The following PLGRKT variants were observed in gnomAD, a reference collection of about 807,000 sequenced individuals.
The protein encoded by PLGRKT is plasminogen receptor with a C-terminal lysine, also known as plasminogen receptor (KT).
A neutral mutation model predicts 18.5 loss-of-function variants in PLGRKT; 22 were observed. The observed-to-expected ratio is 1.19, with a 90% CI of 0.85 to 1.70. The LOEUF is 1.70. Among genes scored for constraint, PLGRKT ranks in the 40% most tolerant of loss-of-function variants. PLGRKT has a pLI of 0.00. For synonymous variants in PLGRKT, 72 were observed against 52.8 expected (o/e 1.36, Z -1.58); for missense variants, 235 against 174.4 (o/e 1.35, Z -1.96).
intron 3 of PLGRKT, among the ~76,000 whole-genome samples, chr9:5,369,331 AT>A (rs566059079): frequency 8.3e-4 from 127 of 152,348 alleles, no homozygotes; most frequent in Non-Finnish European, 1.4e-3. Context: ...CAACAAACAT[AT>A]GAAAAAATGC....
chr9:5,385,051 C>G (rs1817816210), intron 3 of PLGRKT, among the ~76,000 whole-genome samples: 1 of 151,880 alleles, frequency 6.6e-6, no homozygotes, highest in Admixed American at 6.6e-5. Context: ...TGGGTGGGGC[C>G]AGGGGAGGGC....
Position 5,419,050 on chromosome 9 carries a change from G to A in PLGRKT, c.81+12847C>T, listed in dbSNP as rs150161647. 3.0e-4 allele frequency: 121 copies of A among 396,910 alleles called. 1 individual carries two copies. In the East Asian group the frequency reaches 5.6e-3, roughly 18 times the overall value. 24.6% of individuals were successfully genotyped at this position (396,910 alleles called of 1,614,324 possible). A position where few individuals can be genotyped will look rare whatever the true frequency, so the allele number is the denominator to read the frequency against. ...TGGTCTTCAGAGGCCGCCGCTCTGC[G>A]TCTTTCCAGTGCAGGTCATGGGGAG... is the stretch of plus-strand genomic sequence containing the variant. On this transcript the variant is annotated intron_variant, in intron 3 of 5. Coordinates refer to ENST00000223864, the MANE Select transcript of PLGRKT (RefSeq NM_018465.4).
At chr9:5,397,161 C>G (rs970705820) in intron 3 of PLGRKT, among the ~76,000 whole-genome samples, 2 of 151,882 alleles carry the variant, frequency 1.3e-5, no homozygotes, top group Non-Finnish European at 2.9e-5. Context: ...CTACTAGTGG[C>G]AACAGATTGT....
In PLGRKT at chr9:5,361,185, G is replaced by A. The variant is rs201380094; in HGVS notation, c.215C>T (p.Ala72Val). 170 of 1,577,018 alleles carry A rather than the reference G, an allele frequency of 1.1e-4. No homozygotes were observed. Among genetic ancestry groups the A allele is most frequent in the Middle Eastern group, 1.7e-4 (1 of 5,970 alleles). ...GLAAISLTAGAIKKKKPAFLV... is the reference protein window; with the variant it reads ...GLAAISLTAGVIKKKKPAFLV... ...GAAGGCTGGCTTCTTTTTTTTAATC[G>A]CTCTGTTTCAAGAATTAAAAGAAGA... Residue 72 changes from alanine to valine, a missense_variant and splice_region_variant, in exon 5 of 6, where the codon GCG (alanine) becomes GTG (valine). Ala to Val is a moderately conservative substitution (Grantham distance 64). Coordinates refer to ENST00000223864, the MANE Select transcript of PLGRKT (RefSeq NM_018465.4).
In PLGRKT at chr9:5,361,052, G is replaced by C. The variant is rs2273785; in HGVS notation, c.322+26C>G. On this transcript the variant is annotated intron_variant, in intron 5 of 5. Coordinates refer to ENST00000223864, the MANE Select transcript of PLGRKT (RefSeq NM_018465.4). Reference sequence around the variant, plus strand: ...GAAATGGAAAATAAATCAGCAAATAGAAACTCTAGTTTACCAAAGACTTAC... The same window carrying C: ...GAAATGGAAAATAAATCAGCAAATACAAACTCTAGTTTACCAAAGACTTAC... 3.4e-3 allele frequency: 3,859 copies of C among 1,135,162 alleles called. 68 individuals are homozygous for C. The highest frequency in any genetic ancestry group is 0.034 in the East Asian group (1,442 of 42,580). The allele number at this position is 1,135,162 out of a possible 1,614,324, so 70.3% of individuals were successfully genotyped here.
intron 3 of PLGRKT, among the ~76,000 whole-genome samples, chr9:5,401,546 C>G (rs1431456657): frequency 6.6e-6 from 1 of 151,878 alleles, no homozygotes; most frequent in African/African-American, 2.4e-5. Context: ...ATAAGCTTCA[C>G]AGATGAACAG....
intron 3 of PLGRKT, among the ~76,000 whole-genome samples, chr9:5,392,923 C>T (rs549956153): frequency 6.6e-6 from 1 of 151,762 alleles, no homozygotes; most frequent in Admixed American, 6.6e-5. Flanking sequence ...CTCACTGCAA[C>T]CTCCACCTCC....
At chr9:5,389,452 G>T (rs1817905878) in intron 3 of PLGRKT, among the ~76,000 whole-genome samples, 1 of 151,856 alleles carries the variant, frequency 6.6e-6, no homozygotes, top group Admixed American at 6.6e-5. Flanking sequence ...TGCCAGGTCA[G>T]CCCCCACCTG....
intron 3 of PLGRKT, 116 bp from the exon 4 acceptor site, chr9:5,362,004 C>A (rs1817278339): frequency 2.0e-6 from 2 of 1,019,860 alleles, no homozygotes; most frequent in Admixed American, 5.3e-5. Context: ...CATGTTTTTT[C>A]AAAAAAATCT....
intron 3 of PLGRKT, among the ~76,000 whole-genome samples, chr9:5,413,172 C>A (rs773763763): frequency 6.6e-6 from 1 of 152,196 alleles, no homozygotes; most frequent in Non-Finnish European, 1.5e-5. Flanking sequence ...CTAACAAGTA[C>A]TTGCCTTTAA....
intron 3 of PLGRKT, among the ~76,000 whole-genome samples, chr9:5,367,573 A>G (rs1817422399): frequency 6.6e-6 from 1 of 152,146 alleles, no homozygotes; most frequent in African/African-American, 2.4e-5. Flanking sequence ...ACCTATCACC[A>G]TATACAAAAC....
In PLGRKT at chr9:5,387,743, C is replaced by A. The variant is rs888481626; in HGVS notation, c.82-25855G>T. On this transcript the variant is annotated intron_variant, in intron 3 of 5. Transcript: ENST00000223864. ...GGAATAAACATCTGTAGAAATCAAG[C>A]TGTACTCTTAAGATTTGTGCACATC... 1.3e-4 allele frequency among the ~76,000 whole-genome samples: 19 copies of A among 151,698 alleles called. 2 individuals are homozygous for A. The highest frequency in any genetic ancestry group is 3.7e-4 in the African/African-American group (15 of 41,068).
Position 5,436,561 on chromosome 9 carries a change from A to C in PLGRKT, c.-7+8T>G, listed in dbSNP as rs1455422525. The C allele has an allele frequency of 6.6e-6, 1 of 152,264 alleles. No individual in the cohort carries two copies. Among genetic ancestry groups the C allele is most frequent in the African/African-American group, 2.4e-5 (1 of 41,424 alleles). 9.4% of individuals were successfully genotyped at this position (152,264 alleles called of 1,614,324 possible). On this transcript the variant is annotated splice_region_variant and intron_variant, in intron 2 of 5. Coordinates refer to ENST00000223864, the MANE Select transcript of PLGRKT (RefSeq NM_018465.4). ...AACACTGTCTGGGAAGTTAGTATTT[A>C]GATTTACCTCTTTCTGGGCCTTGCT... is the stretch of plus-strand genomic sequence containing the variant.
intron 3 of PLGRKT, among the ~76,000 whole-genome samples, chr9:5,424,720 CAGAG>C (rs1175731931): frequency 8.7e-6 from 1 of 115,592 alleles, no homozygotes; most frequent in Admixed American, 9.6e-5. Flanking sequence ...GAGGGAGAGA[CAGAG>C]AGAGAGAGAG....
rs1039782384 is a variant in PLGRKT, at chr9:5,418,077, G to A, written c.81+13820C>T. Among the ~76,000 whole-genome samples the A allele has an allele frequency of 3.9e-5, 6 of 152,134 alleles. No individual in the cohort carries two copies. Among genetic ancestry groups the A allele is most frequent in the African/African-American group, 1.2e-4 (5 of 41,420 alleles). On this transcript the variant is annotated intron_variant, in intron 3 of 5. Coordinates refer to ENST00000223864, the MANE Select transcript of PLGRKT (RefSeq NM_018465.4). The surrounding 1 kb of genome is among the most constrained non-coding windows in gnomAD (Gnocchi z 4.2). ...AAGTAGAATATGTCTATCTCGTAACGTGATTTTGAAAAATCAGAAATTACA... is the reference window on the plus strand; with the variant it reads ...AAGTAGAATATGTCTATCTCGTAACATGATTTTGAAAAATCAGAAATTACA...
chr9:5,370,676 C>T (rs775685780), intron 3 of PLGRKT, among the ~76,000 whole-genome samples: 5 of 151,958 alleles, frequency 3.3e-5, no homozygotes, highest in South Asian at 2.1e-4. Context: ...TGTTTTTATC[C>T]GAAATGAGAG....
Position 5,379,440 on chromosome 9 carries a change from T to A in PLGRKT, c.82-17552A>T, listed in dbSNP as rs141387175. 5.3e-3 allele frequency among the ~76,000 whole-genome samples: 810 copies of A among 152,302 alleles called. 10 individuals are homozygous for A. The highest frequency in any genetic ancestry group is 0.018 in the African/African-American group (763 of 41,560). ...CATTAAGATTAATTAAAATTAACAA[T>A]TTAGTTTCTCAGAGGCACTAGTCAC... On this transcript the variant is annotated intron_variant, in intron 3 of 5. Transcript: ENST00000223864.
intron 2 of PLGRKT, among the ~76,000 whole-genome samples, chr9:5,435,229 T>C (rs1436912889): frequency 6.6e-6 from 1 of 152,018 alleles, no homozygotes; most frequent in African/African-American, 2.4e-5. Flanking sequence ...CCTTTGTTCT[T>C]GTGTTTATCT....
At chr9:5,437,467 C>T (rs1324113722) in intron 1 of PLGRKT, among the ~76,000 whole-genome samples, 3 of 152,206 alleles carry the variant, frequency 2.0e-5, no homozygotes, top group African/African-American at 7.2e-5. Flanking sequence ...CGCCCTTGCT[C>T]CCTGAGGCCA....
Sources: allele counts gnomAD v4.1 joint callset (sites outside exome capture counted in the v4.1 genomes callset), GRCh38; gene constraint gnomAD v4.1.1; non-coding constraint Gnocchi (gnomAD v3.1); transcripts MANE v1.5; gene names NCBI Gene and HGNC (gene_info 2026-07-23, HGNC 2026-07-21).